EIF2B3: variants seen among roughly 807,000 people sequenced by gnomAD.
The protein encoded by EIF2B3 is eukaryotic translation initiation factor 2B subunit gamma.
A neutral mutation model predicts 54.1 loss-of-function variants in EIF2B3; 20 were observed. The observed-to-expected ratio is 0.37, with a 90% CI of 0.26 to 0.54. The LOEUF (loss-of-function observed/expected upper bound fraction) is 0.54. Among genes scored for constraint, EIF2B3 ranks in the 20% least tolerant of loss-of-function variants. The pLI is 0.86. For synonymous variants in EIF2B3, 153 were observed against 188.1 expected (o/e 0.81, Z 1.52); for missense variants, 448 against 547.8 (o/e 0.82, Z 1.82).
chr1:44,948,038 T>A (rs1390644590), intron 3 of EIF2B3, among the ~76,000 whole-genome samples: 1 of 152,170 alleles, frequency 6.6e-6, no homozygotes, highest in Non-Finnish European at 1.5e-5. Context: ...CACCAAAGGC[T>A]AACTGCAATG....
At chr1:44,867,821 T>TA (rs1557661766) in intron 10 of EIF2B3, among the ~76,000 whole-genome samples, 2 of 147,724 alleles carry the variant, frequency 1.4e-5, no homozygotes, top group African/African-American at 5.1e-5. Flanking sequence ...TTTTTTATTT[T>TA]TAAAAAAAGA....
At chr1:44,878,627 C>T (rs1444554130) in intron 8 of EIF2B3, among the ~76,000 whole-genome samples, 2 of 152,116 alleles carry the variant, frequency 1.3e-5, no homozygotes, top group Admixed American at 6.6e-5. Flanking sequence ...CTGGTCTACA[C>T]CTGCAATTAT....
chr1:44,951,966 T>G (rs1387525050), intron 3 of EIF2B3, among the ~76,000 whole-genome samples: 2 of 81,102 alleles, frequency 2.5e-5, no homozygotes, highest in Non-Finnish European at 5.0e-5. Context: ...TTTTTTTTTT[T>G]TTTTTTTTTT....
At chr1:44,853,515 G>A (rs184368728) in intron 11 of EIF2B3, among the ~76,000 whole-genome samples, 94 of 152,242 alleles carry the variant, frequency 6.2e-4, no homozygotes, top group African/African-American at 2.1e-3. Context: ...GCCAGGGAGG[G>A]AGGTCGCTTG....
chr1:44,984,876 G>A (rs1408250541), intron 1 of EIF2B3, among the ~76,000 whole-genome samples: 3 of 132,314 alleles, frequency 2.3e-5, no homozygotes, highest in Admixed American at 8.7e-5. Context: ...GCGCAATCTC[G>A]GCTCACTGCA....
At chr1:44,934,990 C>T (rs921016914) in intron 4 of EIF2B3, among the ~76,000 whole-genome samples, 2 of 152,148 alleles carry the variant, frequency 1.3e-5, no homozygotes, top group African/African-American at 2.4e-5. Context: ...GGAGCTAAGC[C>T]GATTAAGAGG....
intron 3 of EIF2B3, 50 bp downstream of exon 3, chr1:44,978,265 G>A (rs1405196161): frequency 6.2e-7 from 1 of 1,602,886 alleles, no homozygotes; most frequent in Non-Finnish European, 8.5e-7. Flanking sequence ...GAAAACATAA[G>A]ATATCATCTA....
chr1:44,852,779 C>CAAAA (rs35073051), intron 11 of EIF2B3, among the ~76,000 whole-genome samples: 1 of 111,928 alleles, frequency 8.9e-6, no homozygotes. Context: ...AACTCTGTCT[C>CAAAA]AAAAAAAAAA....
intron 10 of EIF2B3, among the ~76,000 whole-genome samples, chr1:44,869,735 G>C (rs1654903434): frequency 6.6e-6 from 1 of 150,732 alleles, no homozygotes; most frequent in South Asian, 2.1e-4. Context: ...TGAATATCTG[G>C]GACTATAGGC....
chr1:44,937,073 T>C (rs1473620831), intron 4 of EIF2B3, among the ~76,000 whole-genome samples: 2 of 152,222 alleles, frequency 1.3e-5, no homozygotes, highest in Admixed American at 1.3e-4. Context: ...TTTAAAAATC[T>C]TGAAACCATT....
chr1:44,943,503 T>A lies in EIF2B3; in HGVS notation c.295-1838A>T, dbSNP rs112907007. ...GGCATGATCATGGCTTACTGCAGCC[T>A]CGACTTCCTGGGCTCAAGTGATCCT... On this transcript the variant is annotated intron_variant, in intron 3 of 11. Coordinates refer to ENST00000360403, the MANE Select transcript of EIF2B3 (RefSeq NM_020365.5). Among the ~76,000 whole-genome samples the A allele has an allele frequency of 2.6e-3, 390 of 152,034 alleles. 2 individuals are homozygous for A. The highest frequency in any genetic ancestry group is 9.0e-3 in the African/African-American group (371 of 41,450).
intron 10 of EIF2B3, among the ~76,000 whole-genome samples, chr1:44,867,457 C>G (rs1296481680): frequency 6.6e-6 from 1 of 152,106 alleles, no homozygotes; most frequent in Non-Finnish European, 1.5e-5. Flanking sequence ...GGGCAGGTGT[C>G]CAGAAAGCCT....
intron 3 of EIF2B3, among the ~76,000 whole-genome samples, chr1:44,943,400 A>G (rs1340103550): frequency 6.6e-6 from 1 of 151,178 alleles, no homozygotes; most frequent in African/African-American, 2.4e-5. Flanking sequence ...CTATATCTAT[A>G]TCTATATCTA....
At chr1:44,958,201 C>T (rs762000214) in intron 3 of EIF2B3, among the ~76,000 whole-genome samples, 2 of 152,060 alleles carry the variant, frequency 1.3e-5, no homozygotes, top group Non-Finnish European at 2.9e-5. Context: ...ATCTACAGAC[C>T]CCCTGAAAAT....
At chr1:44,937,031 C>G (rs913522024) in intron 4 of EIF2B3, among the ~76,000 whole-genome samples, 1 of 152,204 alleles carries the variant, frequency 6.6e-6, no homozygotes, top group South Asian at 2.1e-4. Flanking sequence ...ACCTTGTGCT[C>G]TTAACAATCA....
intron 4 of EIF2B3, among the ~76,000 whole-genome samples, chr1:44,933,654 T>A (rs955508257): frequency 9.2e-5 from 14 of 151,940 alleles, no homozygotes; most frequent in Admixed American, 6.6e-5. Flanking sequence ...AAAACTAAAT[T>A]CAAAAAAGAA....
chr1:44,963,366 C>A (rs1245147228), intron 3 of EIF2B3, among the ~76,000 whole-genome samples: 3 of 151,556 alleles, frequency 2.0e-5, no homozygotes, highest in Non-Finnish European at 4.4e-5. Context: ...GTCTCCCAGG[C>A]TCAGGTGATC....
chr1:44,859,918 G>A (rs1317663071), intron 10 of EIF2B3, among the ~76,000 whole-genome samples: 1 of 151,514 alleles, frequency 6.6e-6, no homozygotes, highest in Non-Finnish European at 1.5e-5. Flanking sequence ...CACCACACCT[G>A]GCTCATTTTT....
chr1:44,945,712 G>C (rs1414296693), intron 3 of EIF2B3, among the ~76,000 whole-genome samples: 1 of 152,028 alleles, frequency 6.6e-6, no homozygotes, highest in Non-Finnish European at 1.5e-5. Flanking sequence ...ACAATGCTTA[G>C]AAAGACAAGG....
Sources: allele counts gnomAD v4.1 joint callset (sites outside exome capture counted in the v4.1 genomes callset), GRCh38; gene constraint gnomAD v4.1.1; transcripts MANE v1.5; gene names NCBI Gene and HGNC (gene_info 2026-07-23, HGNC 2026-07-21).